PCLO: variants seen among roughly 807,000 people sequenced by gnomAD.
The protein encoded by PCLO is piccolo presynaptic cytomatrix protein.
A neutral mutation model predicts 427.5 loss-of-function variants in PCLO; 82 were observed. The ratio of observed to expected loss-of-function variants is 0.19; its 90% CI spans 0.16 to 0.23. PCLO has a LOEUF of 0.23. PCLO is among the 10% of genes least tolerant of loss of function. PCLO has a pLI of 1.00. For missense variants in PCLO, 6,239 were observed against 6,115.9 expected (o/e 1.02, Z -0.67); for synonymous variants, 2,357 against 2,155.4 (o/e 1.09, Z -2.59).
rs201823038 is a variant in PCLO, at chr7:83,149,543, TA to T, written c.1893+5204del. On this transcript the variant is annotated intron_variant, in intron 2 of 24. Coordinates refer to ENST00000333891, the MANE Select transcript of PCLO (RefSeq NM_033026.6). ...GCAGTTTTTGCTTAGAATTTAAGCT[TA>T]AAAAAAAAGTCTCTGTGCTAAAAAC... 4.0e-3 allele frequency among the ~76,000 whole-genome samples: 612 copies of T among 151,354 alleles called. 19 individuals carry two copies. The East Asian group carries it at 0.065, about 16-fold the overall frequency.
chr7:82,763,905 T>A (rs552599293), intron 22 of PCLO, among the ~76,000 whole-genome samples: 1 of 152,112 alleles, frequency 6.6e-6, no homozygotes, highest in South Asian at 2.1e-4. Flanking sequence ...AAGCCTACAA[T>A]TTTAAGCATG....
At chr7:82,777,523 C>A (rs1276144623) in intron 22 of PCLO, among the ~76,000 whole-genome samples, 1 of 152,138 alleles carries the variant, frequency 6.6e-6, no homozygotes, top group Non-Finnish European at 1.5e-5. Context: ...GCTATAGTAA[C>A]CAAAACAGCA....
intron 22 of PCLO, among the ~76,000 whole-genome samples, chr7:82,799,121 T>G (rs944316471): frequency 6.6e-5 from 10 of 152,226 alleles, no homozygotes; most frequent in African/African-American, 2.4e-4. Flanking sequence ...CAATTTTATT[T>G]ATAAACTTTA....
At chr7:83,064,687 A>G (rs1307261682) in intron 3 of PCLO, among the ~76,000 whole-genome samples, 1 of 152,082 alleles carries the variant, frequency 6.6e-6, no homozygotes, top group Non-Finnish European at 1.5e-5. Context: ...CAGACCACCT[A>G]TTAATGTGTC....
intron 22 of PCLO, among the ~76,000 whole-genome samples, chr7:82,769,245 G>T: frequency 6.6e-6 from 1 of 152,120 alleles, no homozygotes; most frequent in East Asian, 1.9e-4. Flanking sequence ...AGAGGAGATG[G>T]CATAGTAAGC....
At chr7:82,855,929 T>C (rs2115876608) in intron 10 of PCLO, among the ~76,000 whole-genome samples, 1 of 152,258 alleles carries the variant, frequency 6.6e-6, no homozygotes, top group East Asian at 1.9e-4. Context: ...GCATATTTTT[T>C]CAATAAAAAT....
rs766386744 is a variant in PCLO at position 83,134,999 on chromosome 7, T to G, written c.2551A>C (p.Lys851Gln). 5.0e-6 allele frequency: 8 copies of G among 1,613,586 alleles called. No homozygotes were observed. Among genetic ancestry groups the G allele is most frequent in the East Asian group, 4.5e-5 (2 of 44,858 alleles). Residue 851 changes from lysine to glutamine, a missense_variant, in exon 3 of 25, where the codon AAG (lysine) becomes CAG (glutamine). Around this residue, in one of 5 missense-constraint regions of PCLO, gnomAD observed 4,677 missense variants for 4,468.4 expected, o/e 1.05. Transcript: ENST00000333891. ...TGTGCTTTCTTGGGTTCTTCCTTCTTTTGTACGGGGTCAACTTGTTTTTGA... is the reference window on the plus strand; with the variant it reads ...TGTGCTTTCTTGGGTTCTTCCTTCTGTTGTACGGGGTCAACTTGTTTTTGA... The part of the protein sequence containing the change: ...KGQKQVDPVQ[K>Q]KEEPKKAQTK...
At chr7:82,792,036 A>G (rs1410763966) in intron 22 of PCLO, among the ~76,000 whole-genome samples, 1 of 151,994 alleles carries the variant, frequency 6.6e-6, no homozygotes, top group African/African-American at 2.4e-5. Flanking sequence ...TCCTCCAGAG[A>G]TTTTGTATTT....
intron 7 of PCLO, among the ~76,000 whole-genome samples, chr7:82,910,567 T>C (rs75710092): frequency 6.6e-6 from 1 of 152,116 alleles, no homozygotes; most frequent in African/African-American, 2.4e-5. Context: ...TTTTTCCCCT[T>C]CCCTCAATAC....
chr7:82,978,674 T>C (rs774730770), intron 3 of PCLO, among the ~76,000 whole-genome samples: 2 of 152,006 alleles, frequency 1.3e-5, no homozygotes, highest in Non-Finnish European at 2.9e-5. Flanking sequence ...AGTCAAATAA[T>C]GCAGTTAAGG....
At chr7:83,046,501 T>G (rs1310413404) in intron 3 of PCLO, among the ~76,000 whole-genome samples, 2 of 152,098 alleles carry the variant, frequency 1.3e-5, no homozygotes, top group Non-Finnish European at 2.9e-5. Context: ...TCAAAAAGAA[T>G]CTGAAAGTAT....
chr7:82,948,476 C>A (rs1795254808), intron 6 of PCLO, among the ~76,000 whole-genome samples: 1 of 152,110 alleles, frequency 6.6e-6, no homozygotes, highest in Non-Finnish European at 1.5e-5. Flanking sequence ...AAATGTAACA[C>A]CATCTCAGAA....
intron 22 of PCLO, among the ~76,000 whole-genome samples, chr7:82,790,374 A>G (rs1325027166): frequency 1.3e-5 from 2 of 152,182 alleles, no homozygotes; most frequent in African/African-American, 4.8e-5. Context: ...GCGCAGAACT[A>G]TGCTACAGTC....
chr7:83,119,342 G>A (rs760667958), intron 3 of PCLO, among the ~76,000 whole-genome samples: 8 of 152,104 alleles, frequency 5.3e-5, no homozygotes, highest in Non-Finnish European at 8.8e-5. Flanking sequence ...TTGTTTGGGT[G>A]AAAGTGAGGG....
Position 83,156,232 on chromosome 7 carries a change from C to T in PCLO, c.409G>A (p.Glu137Lys), listed in dbSNP as rs866933939. The T allele has an allele frequency of 6.2e-7, 1 of 1,613,806 alleles. No homozygotes were observed. Among genetic ancestry groups the T allele is most frequent in the Non-Finnish European group, 8.5e-7 (1 of 1,179,844 alleles). ...TTTAAATCAGTTCTGGACTTTGATT[C>T]TTTCAAGCTAATAGTGGAAGGACTC... The part of the protein sequence containing the change: ...GRSPSTISLK[E>K]SKSRTDLKEE... The change falls in exon 2 of 25, where the codon GAA becomes AAA. Residue 137 changes from glutamate to lysine, a missense_variant. Physicochemically the swap from Glu to Lys is moderately conservative, Grantham distance 56. Transcript: ENST00000333891.
intron 3 of PCLO, among the ~76,000 whole-genome samples, chr7:82,969,457 C>T (rs950188296): frequency 5.9e-5 from 9 of 151,954 alleles, no homozygotes; most frequent in Admixed American, 5.9e-4. Context: ...TCAGTTAAAC[C>T]TAGCATTTTA....
chr7:82,809,396 T>C lies in PCLO; in HGVS notation c.14792-3567A>G, dbSNP rs1013345232. Among the ~76,000 whole-genome samples the C allele has an allele frequency of 2.0e-5, 3 of 151,728 alleles. No homozygotes were observed. In the South Asian group the frequency reaches 6.2e-4, roughly 31 times the overall value. ...ATCCCATCACTTTCTTGTATCTAAA[T>C]TAAAGTTATCTGTAAAGGCCTAGCT... On this transcript the variant is annotated intron_variant, in intron 20 of 24. Coordinates refer to ENST00000333891, the MANE Select transcript of PCLO (RefSeq NM_033026.6).
At chr7:82,934,648 G>C (rs1794910718) in intron 6 of PCLO, among the ~76,000 whole-genome samples, 1 of 151,570 alleles carries the variant, frequency 6.6e-6, no homozygotes, top group Admixed American at 6.6e-5. Flanking sequence ...GAAAATTTCA[G>C]AGCATGTCTA....
chr7:83,089,391 T>A (rs1405983109), intron 3 of PCLO, among the ~76,000 whole-genome samples: 11 of 152,074 alleles, frequency 7.2e-5, no homozygotes, highest in Non-Finnish European at 4.4e-5. Flanking sequence ...CATACAGTGT[T>A]CCCTCATGCC....
Sources: gnomAD v4.1 joint callset for allele counts (sites outside exome capture counted in the v4.1 genomes callset) on GRCh38, gnomAD v4.1.1 for gene constraint, gnomAD v4.1.1 regional missense constraint, MANE v1.5 for transcripts, NCBI Gene and HGNC (gene_info 2026-07-23, HGNC 2026-07-21) for gene names.